The following VGLL4 variants were observed in gnomAD, a reference collection of about 807,000 sequenced individuals.
VGLL4 encodes the protein transcription cofactor vestigial-like protein 4.
Under a neutral mutation model 21.0 loss-of-function variants are expected in VGLL4, and 7 were observed. The observed-to-expected ratio is 0.33, with a 90% CI of 0.19 to 0.63. The LOEUF is 0.63. Among genes scored for constraint, VGLL4 ranks in the 20% least tolerant of loss-of-function variants. The probability of loss-of-function intolerance (pLI) is 0.78; values close to 1 mark genes in which losing one functional copy is unlikely to be tolerated. For missense variants in VGLL4, 394 were observed against 425.7 expected (o/e 0.93, Z 0.66); for synonymous variants, 222 against 173.2 (o/e 1.28, Z -2.21).
At chr3:11,574,946 A>G (rs367705597) in intron 2 of VGLL4, among the ~76,000 whole-genome samples, 1 of 152,064 alleles carries the variant, frequency 6.6e-6, no homozygotes, top group Non-Finnish European at 1.5e-5. Flanking sequence ...TTGTCGGCCG[A>G]GTTACCATCC....
chr3:11,628,447 T>A lies in VGLL4; in HGVS notation c.82+14990A>T, dbSNP rs182972806. Among the ~76,000 whole-genome samples the A allele has an allele frequency of 3.9e-3, 588 of 150,732 alleles. 8 individuals are homozygous for A. The highest frequency in any genetic ancestry group is 0.014 in the African/African-American group (559 of 41,172). ...AATTGTACCCTAAAAATAGATACAATGTGTTGACTAAAAAATAAAATTTAT... is the reference window on the plus strand; with the variant it reads ...AATTGTACCCTAAAAATAGATACAAAGTGTTGACTAAAAAATAAAATTTAT... On this transcript the variant is annotated intron_variant, in intron 1 of 4. Transcript: ENST00000430365.
chr3:11,674,633 CTG>C (rs1315622590), intron 2 of VGLL4, among the ~76,000 whole-genome samples: 8 of 152,048 alleles, frequency 5.3e-5, no homozygotes, highest in Non-Finnish European at 1.0e-4. Flanking sequence ...CTGCAGGATT[CTG>C]TGAGATAAAA....
chr3:11,596,742 G>T (rs188379732), intron 2 of VGLL4, among the ~76,000 whole-genome samples: 3 of 152,266 alleles, frequency 2.0e-5, no homozygotes, highest in East Asian at 3.9e-4. Context: ...TGCAGCTGAG[G>T]AACTAGATTT....
At chr3:11,652,347 TA>T (rs1209082118) in intron 2 of VGLL4, among the ~76,000 whole-genome samples, 1 of 152,250 alleles carries the variant, frequency 6.6e-6, no homozygotes, top group Admixed American at 6.5e-5. Context: ...GCCAAGTGAT[TA>T]AATAGGAAAT....
chr3:11,610,581 G>C (rs1379242104), intron 1 of VGLL4: 4 of 152,248 alleles, frequency 2.6e-5, no homozygotes, highest in African/African-American at 9.7e-5. Context: ...GCTGGACTGG[G>C]AAGGGCTGTG....
upstream of VGLL4, chr3:11,721,405 A>G (rs1274890846): frequency 6.6e-6 from 1 of 152,242 alleles, no homozygotes; most frequent in East Asian, 1.9e-4. Flanking sequence ...GCCCCTTGTG[A>G]AATGTACTCT....
intron 1 of VGLL4, among the ~76,000 whole-genome samples, chr3:11,720,155 C>G (rs1160454183): frequency 1.3e-5 from 2 of 152,174 alleles, no homozygotes. Context: ...TCCCGCCACA[C>G]ACACCCCGCC....
intron 2 of VGLL4, among the ~76,000 whole-genome samples, chr3:11,600,640 T>A (rs1561073): frequency 0.69 from 104,331 of 151,960 alleles, 36,528 homozygotes; most frequent in Non-Finnish European, 0.73. Flanking sequence ...GTCTTATGAC[T>A]GAACACAACA....
Position 11,568,728 on chromosome 3 carries a change from C to G in VGLL4, c.273-3709G>C. ...AGGCGTCATGTGCTCCCGGGGACGG[C>G]AGAAAACCGCACGCATCCTGCCCGG... is the stretch of plus-strand genomic sequence containing the variant. On this transcript the variant is annotated intron_variant, in intron 2 of 4. Transcript: ENST00000430365. This position sits in a 1 kb window ranked among gnomAD's most constrained non-coding sequence, Gnocchi z 5.9. 6.5e-7 allele frequency: 1 copy of G among 1,539,954 alleles called. No homozygotes were observed. Among genetic ancestry groups the G allele is most frequent in the South Asian group, 1.2e-5 (1 of 82,560 alleles).
intron 1 of VGLL4, among the ~76,000 whole-genome samples, chr3:11,630,519 G>C (rs1295691524): frequency 6.6e-6 from 1 of 152,088 alleles, no homozygotes; most frequent in East Asian, 1.9e-4. Flanking sequence ...GGTGGCGGGC[G>C]CCTGTAATCC....
intron 2 of VGLL4, among the ~76,000 whole-genome samples, chr3:11,695,190 C>A (rs2076586968): frequency 6.6e-6 from 1 of 151,906 alleles, no homozygotes; most frequent in Non-Finnish European, 1.5e-5. Flanking sequence ...GCTGGGATTA[C>A]AGGCGCCTGC....
intron 1 of VGLL4, among the ~76,000 whole-genome samples, chr3:11,616,218 ACCTG>A (rs748065375): frequency 7.9e-6 from 1 of 126,554 alleles, no homozygotes; most frequent in African/African-American, 3.0e-5. Flanking sequence ...CTCCCCTCCC[ACCTG>A]CCTGGAACAG....
chr3:11,627,504 T>C (rs1043334321), intron 1 of VGLL4: 9 of 147,252 alleles, frequency 6.1e-5, no homozygotes, highest in Admixed American at 4.9e-4. Context: ...CTGAGGGAAG[T>C]GAATCGCTTG....
At chr3:11,670,091 T>C (rs1475609622) in intron 2 of VGLL4, among the ~76,000 whole-genome samples, 1 of 150,146 alleles carries the variant, frequency 6.7e-6, no homozygotes, top group Admixed American at 6.7e-5. Context: ...GGGAGGAGGG[T>C]GCGGGGAACA....
chr3:11,622,794 A>G (rs1457855186), intron 1 of VGLL4, among the ~76,000 whole-genome samples: 1 of 152,188 alleles, frequency 6.6e-6, no homozygotes, highest in East Asian at 1.9e-4. Flanking sequence ...GGATTATAGA[A>G]TTAGCAATTC....
In VGLL4 at chr3:11,558,772, C is replaced by T. The variant is rs1469044297; in HGVS notation, c.675G>A (p.Lys225=). ...GTGCCGGCTCGGGCTCCTTGTAATT[C>T]TTGCCCAGGCTCCTGCGGAAATGCT... is the stretch of plus-strand genomic sequence containing the variant. The part of the protein sequence containing the change: ...VEEHFRRSLG[K]NYKEPEPAPN... The change falls in exon 5 of 5, where the codon AAG becomes AAA. Residue 225 remains lysine (K), a synonymous_variant. Coordinates refer to ENST00000430365, the MANE Select transcript of VGLL4 (RefSeq NM_001128219.3). The T allele has an allele frequency of 6.2e-7, 1 of 1,614,098 alleles. No homozygotes were observed. The highest frequency in any genetic ancestry group is 8.5e-7 in the Non-Finnish European group (1 of 1,180,008).
At chr3:11,658,198 G>A (rs1464483602) in intron 2 of VGLL4, among the ~76,000 whole-genome samples, 1 of 152,170 alleles carries the variant, frequency 6.6e-6, no homozygotes, top group African/African-American at 2.4e-5. Flanking sequence ...GCCTCCCAAA[G>A]TGCTGGGATT....
chr3:11,596,013 AG>A (rs2074632590), intron 2 of VGLL4, among the ~76,000 whole-genome samples: 2 of 152,130 alleles, frequency 1.3e-5, no homozygotes, highest in Admixed American at 6.5e-5. Flanking sequence ...ATAAAAAAAA[AG>A]AAAGAAGGGG....
chr3:11,654,529 A>C (rs1477091512), intron 2 of VGLL4, among the ~76,000 whole-genome samples: 1 of 152,232 alleles, frequency 6.6e-6, no homozygotes, highest in Non-Finnish European at 1.5e-5. Context: ...GTTAACTTGC[A>C]AGGCATGAAT....
Sources: allele counts gnomAD v4.1 joint callset (sites outside exome capture counted in the v4.1 genomes callset), GRCh38; gene constraint gnomAD v4.1.1; non-coding constraint Gnocchi (gnomAD v3.1); transcripts MANE v1.5; gene names NCBI Gene and HGNC (gene_info 2026-07-23, HGNC 2026-07-21).